The following DAB1 variants were observed in gnomAD, a reference collection of about 807,000 sequenced individuals.
DAB1 encodes disabled homolog 1.
In DAB1, 15 loss-of-function variants were observed where a neutral mutation model predicts 64.6. The observed-to-expected ratio is 0.23, with a 90% confidence interval of 0.16 to 0.36. The LOEUF (loss-of-function observed/expected upper bound fraction) is 0.36. Among genes scored for constraint, DAB1 ranks in the 10% least tolerant of loss-of-function variants. The pLI is 1.00. For missense variants in DAB1, 596 were observed against 706.7 expected (o/e 0.84, Z 1.78); for synonymous variants, 235 against 251.9 (o/e 0.93, Z 0.64).
chr1:57,049,575 A>T (rs1240696506), intron 9 of DAB1, among the ~76,000 whole-genome samples: 4 of 151,684 alleles, frequency 2.6e-5, no homozygotes, highest in Non-Finnish European at 5.9e-5. Context: ...TGACCTTCCA[A>T]AGCATGTCAC....
In DAB1 at chr1:58,199,576, T is replaced by C. The variant is rs1657887496; in HGVS notation, n.310-48988A>G. Among the ~76,000 whole-genome samples the C allele has an allele frequency of 2.0e-5, 3 of 152,202 alleles. No individual in the cohort carries two copies. In the South Asian group the frequency reaches 6.2e-4, roughly 32 times the overall value. Reference sequence around the variant, plus strand: ...TAACAATGTCTACTTCTCAGAACAGTACCTGACATGTCATTTAAATATTTA... The same window carrying C: ...TAACAATGTCTACTTCTCAGAACAGCACCTGACATGTCATTTAAATATTTA... On this transcript the variant is annotated intron_variant and non_coding_transcript_variant, in intron 4 of 20. Coordinates refer to the DAB1 transcript ENST00000485760.
At chr1:57,050,593 C>A (rs11811443) in intron 9 of DAB1, among the ~76,000 whole-genome samples, 20,583 of 152,144 alleles carry the variant, frequency 0.14, 2,957 homozygotes, top group African/African-American at 0.37. Context: ...ACAAACTCCC[C>A]TCATCTTTTA....
At chr1:57,511,476 T>C (rs1332327373) in intron 7 of DAB1, among the ~76,000 whole-genome samples, 1 of 152,246 alleles carries the variant, frequency 6.6e-6, no homozygotes, top group African/African-American at 2.4e-5. Context: ...AACTTAATCA[T>C]ACCTAAAATA....
chr1:58,182,237 G>T (rs529218717), intron 4 of DAB1, among the ~76,000 whole-genome samples: 2 of 151,650 alleles, frequency 1.3e-5, no homozygotes, highest in African/African-American at 4.9e-5. Context: ...GTTTTCAATC[G>T]TTTGACTATG....
chr1:58,289,244 C>A (rs1270338219), intron 4 of DAB1, among the ~76,000 whole-genome samples: 1 of 152,062 alleles, frequency 6.6e-6, no homozygotes. Context: ...TTCACTGTAC[C>A]TTTGCATCAA....
chr1:57,459,205 C>G (rs1431649877), intron 7 of DAB1, among the ~76,000 whole-genome samples: 1 of 152,038 alleles, frequency 6.6e-6, no homozygotes, highest in Non-Finnish European at 1.5e-5. Flanking sequence ...ATGTTTTTCA[C>G]TTAATTTTAT....
chr1:57,492,297 TA>T (rs1255882334), intron 7 of DAB1, among the ~76,000 whole-genome samples: 1 of 152,250 alleles, frequency 6.6e-6, no homozygotes, highest in Non-Finnish European at 1.5e-5. Flanking sequence ...TACTGCTTAA[TA>T]GCTGTGAAAC....
intron 4 of DAB1, among the ~76,000 whole-genome samples, chr1:58,317,895 C>T (rs1012048807): frequency 6.6e-6 from 1 of 152,216 alleles, no homozygotes; most frequent in Non-Finnish European, 1.5e-5. Context: ...CATGTTTCCC[C>T]ATCTGTATAT....
chr1:57,770,892 A>T lies in DAB1; in HGVS notation n.551+113107T>A, dbSNP rs541762087. Among the ~76,000 whole-genome samples, 26 of 152,268 alleles carry T rather than the reference A, an allele frequency of 1.7e-4. 2 individuals are homozygous for T. In the South Asian group the frequency reaches 4.8e-3, roughly 28 times the overall value. On this transcript the variant is annotated intron_variant and non_coding_transcript_variant, in intron 6 of 20. Transcript: ENST00000485760. ...AGGACAGTAAGAAAGTCAGAGATAC[A>T]CAGATGGGCACTGCAGGAGGGCACC...
chr1:57,400,160 A>G (rs538564894), intron 1 of DAB1, among the ~76,000 whole-genome samples: 1 of 152,216 alleles, frequency 6.6e-6, no homozygotes, highest in Non-Finnish European at 1.5e-5. Flanking sequence ...CTCACCTTCC[A>G]ATATGAACTG....
At chr1:57,000,112 C>A (rs181511773) in intron 14 of DAB1, among the ~76,000 whole-genome samples, 1 of 142,494 alleles carries the variant, frequency 7.0e-6, no homozygotes, top group Non-Finnish European at 1.5e-5. Context: ...GGCGCGATGT[C>A]GGCTCACTGC....
At chr1:58,170,877 C>G (rs1486715277) in intron 4 of DAB1, among the ~76,000 whole-genome samples, 1 of 152,126 alleles carries the variant, frequency 6.6e-6, no homozygotes, top group African/African-American at 2.4e-5. Context: ...ATCACCCTCA[C>G]TGAGCCCCGG....
chr1:57,739,594 G>A (rs1208922729), intron 6 of DAB1, among the ~76,000 whole-genome samples: 1 of 149,984 alleles, frequency 6.7e-6, no homozygotes, highest in Non-Finnish European at 1.5e-5. Flanking sequence ...TGGGACTACA[G>A]GCATGTGCCA....
intron 4 of DAB1, among the ~76,000 whole-genome samples, chr1:58,171,075 C>T (rs1052851522): frequency 1.3e-5 from 2 of 152,180 alleles, no homozygotes; most frequent in African/African-American, 4.8e-5. Flanking sequence ...TTTTCACATG[C>T]CTTTCTTGTT....
intron 6 of DAB1, among the ~76,000 whole-genome samples, chr1:57,699,685 C>T (rs544579021): frequency 1.6e-3 from 241 of 152,246 alleles, no homozygotes; most frequent in Non-Finnish European, 3.1e-3. Context: ...GAGGCTGAGG[C>T]AGGCAGATCA....
At chr1:57,536,100 A>G (rs1644724346) in intron 7 of DAB1, among the ~76,000 whole-genome samples, 1 of 152,186 alleles carries the variant, frequency 6.6e-6, no homozygotes, top group Non-Finnish European at 1.5e-5. Flanking sequence ...TCCTTTGATC[A>G]GCAAACATTA....
Position 57,147,255 on chromosome 1 carries a change from C to G in DAB1, c.68-1826G>C, listed in dbSNP as rs772936732. Among the ~76,000 whole-genome samples the G allele has an allele frequency of 3.6e-4, 54 of 151,862 alleles. 1 individual carries two copies. Among genetic ancestry groups the G allele is most frequent in the Non-Finnish European group, 6.9e-4 (47 of 67,972 alleles). ...CCAGTCTCAGACTTTCAGACTCAAC[C>G]AATCCACCACCTTGGCCTCCCCAAG... On this transcript the variant is annotated intron_variant, in intron 2 of 14. Coordinates refer to ENST00000371236, the MANE Select transcript of DAB1 (RefSeq NM_001365792.1).
intron 3 of DAB1, among the ~76,000 whole-genome samples, chr1:58,498,668 A>G (rs1645846054): frequency 1.3e-5 from 2 of 152,210 alleles, no homozygotes; most frequent in Admixed American, 6.5e-5. Context: ...CTTCTTGCCT[A>G]TATAACTATG....
intron 6 of DAB1, among the ~76,000 whole-genome samples, chr1:57,679,754 T>C (rs986904721): frequency 3.3e-5 from 5 of 152,176 alleles, no homozygotes; most frequent in Admixed American, 2.6e-4. Context: ...TTCTAAGCCT[T>C]TGGGAATAGC....
Sources: gnomAD v4.1 joint callset for allele counts (sites outside exome capture counted in the v4.1 genomes callset) on GRCh38, gnomAD v4.1.1 for gene constraint, MANE v1.5 for transcripts, NCBI Gene and HGNC (gene_info 2026-07-23, HGNC 2026-07-21) for gene names.